DPYD: variants seen among roughly 807,000 people sequenced by gnomAD.
DPYD encodes the protein dihydropyrimidine dehydrogenase.
In DPYD, 109 loss-of-function variants were observed where a neutral mutation model predicts 116.2. That is an observed-to-expected ratio of 0.94 (90% CI 0.80 to 1.10). The LOEUF (loss-of-function observed/expected upper bound fraction) is 1.10, where lower values mean the gene tolerates loss of function less well. DPYD is among the 50% of genes least tolerant of loss of function. The pLI is 0.00. For missense variants in DPYD, 1,302 were observed against 1,254.5 expected (o/e 1.04, Z -0.57); for synonymous variants, 440 against 432.0 (o/e 1.02, Z -0.23).
intron 20 of DPYD, among the ~76,000 whole-genome samples, chr1:97,100,303 T>G (rs542102309): frequency 6.6e-6 from 1 of 152,172 alleles, no homozygotes. Flanking sequence ...GGGATTACAC[T>G]TGGTGCCAAA....
chr1:97,527,602 T>A (rs1010226089), intron 12 of DPYD, among the ~76,000 whole-genome samples: 3 of 152,112 alleles, frequency 2.0e-5, no homozygotes, highest in Non-Finnish European at 4.4e-5. Context: ...CAAACTATAA[T>A]AACCCATTAT....
chr1:97,667,984 C>A (rs914066757), intron 8 of DPYD, among the ~76,000 whole-genome samples: 1 of 152,008 alleles, frequency 6.6e-6, no homozygotes, highest in Non-Finnish European at 1.5e-5. Context: ...TATGATTCCA[C>A]CCATACTAGG....
chr1:97,795,251 T>C (rs972043646), intron 3 of DPYD, among the ~76,000 whole-genome samples: 2 of 152,006 alleles, frequency 1.3e-5, no homozygotes, highest in African/African-American at 2.4e-5. Flanking sequence ...CATTTAGCAA[T>C]GGGAGGCAGT....
intron 8 of DPYD, among the ~76,000 whole-genome samples, chr1:97,622,381 C>A (rs985974562): frequency 2.0e-5 from 3 of 151,776 alleles, no homozygotes; most frequent in Admixed American, 2.0e-4. Context: ...ATTTGAGGAA[C>A]ATTCTAAAAA....
At chr1:97,446,009 G>A (rs1369187790) in intron 14 of DPYD, among the ~76,000 whole-genome samples, 16 of 152,112 alleles carry the variant, frequency 1.1e-4, no homozygotes, top group Admixed American at 1.0e-3. Flanking sequence ...TTACAGGCAT[G>A]AGCCACCACA....
At chr1:97,169,287 C>A (rs963294827) in intron 20 of DPYD, among the ~76,000 whole-genome samples, 2 of 152,092 alleles carry the variant, frequency 1.3e-5, no homozygotes, top group African/African-American at 2.4e-5. Context: ...CTAATCATTA[C>A]CATTTTCTTC....
chr1:97,232,461 T>A (rs1199981266), intron 19 of DPYD, among the ~76,000 whole-genome samples: 1 of 152,172 alleles, frequency 6.6e-6, no homozygotes, highest in African/African-American at 2.4e-5. Flanking sequence ...AATTGGAATA[T>A]TTTTAGCCAT....
chr1:97,765,223 G>C (rs1330901754), intron 3 of DPYD, among the ~76,000 whole-genome samples: 2 of 152,178 alleles, frequency 1.3e-5, no homozygotes, highest in African/African-American at 4.8e-5. Flanking sequence ...CATTGTGGGA[G>C]TTGTTTATAG....
chr1:97,741,557 C>T (rs1467558873), intron 3 of DPYD, among the ~76,000 whole-genome samples: 2 of 152,188 alleles, frequency 1.3e-5, no homozygotes, highest in African/African-American at 4.8e-5. Context: ...TTCAGGACAA[C>T]TAAAACCAAT....
At chr1:97,428,849 A>G (rs1201959508) in intron 14 of DPYD, among the ~76,000 whole-genome samples, 1 of 152,032 alleles carries the variant, frequency 6.6e-6, no homozygotes, top group African/African-American at 2.4e-5. Context: ...AGATTTCAAA[A>G]TGTGAATATG....
At position 97,199,635 on chromosome 1, in the gene DPYD, CA is replaced by C. The variant is rs967927178; in HGVS notation, c.2443-6388del. Among the ~76,000 whole-genome samples, 364 of 136,010 alleles carry C rather than the reference CA, an allele frequency of 2.7e-3. 3 individuals carry two copies. The highest frequency in any genetic ancestry group is 7.5e-3 in the African/African-American group (281 of 37,434). 89.2% of individuals were successfully genotyped at this position (136,010 alleles called of 152,430 possible). A position where few individuals can be genotyped will look rare whatever the true frequency, so the allele number is the denominator to read the frequency against. On this transcript the variant is annotated intron_variant, in intron 19 of 22. Transcript: ENST00000370192. ...TTTATTTGCATTAAATAATGATCTCCAAAAAAAAAAAGCTTTGGTTTTGTTG... is the reference window on the plus strand; with the variant it reads ...TTTATTTGCATTAAATAATGATCTCCAAAAAAAAAAGCTTTGGTTTTGTTG...
At chr1:97,380,441 A>C (rs745968596) in intron 15 of DPYD, among the ~76,000 whole-genome samples, 13 of 152,212 alleles carry the variant, frequency 8.5e-5, no homozygotes, top group Non-Finnish European at 1.0e-4. Flanking sequence ...AATTCAAACC[A>C]GGTTGAAGAA....
At chr1:97,731,395 T>G (rs1268458251) in intron 4 of DPYD, among the ~76,000 whole-genome samples, 1 of 152,118 alleles carries the variant, frequency 6.6e-6, no homozygotes, top group Non-Finnish European at 1.5e-5. Context: ...TTAAAAATTT[T>G]AATTTTTCAA....
chr1:97,801,438 G>A (rs1214787094), intron 3 of DPYD, among the ~76,000 whole-genome samples: 1 of 151,828 alleles, frequency 6.6e-6, no homozygotes, highest in Non-Finnish European at 1.5e-5. Flanking sequence ...CACTAATTAT[G>A]GCCCTGCCAC....
At chr1:97,250,156 G>C (rs977880966) in intron 18 of DPYD, among the ~76,000 whole-genome samples, 3 of 152,082 alleles carry the variant, frequency 2.0e-5, no homozygotes, top group Non-Finnish European at 4.4e-5. Context: ...TGTAATCCCA[G>C]CTACTCAGGA....
intron 18 of DPYD, among the ~76,000 whole-genome samples, chr1:97,298,660 C>T (rs1666682133): frequency 6.6e-6 from 1 of 152,090 alleles, no homozygotes; most frequent in South Asian, 2.1e-4. Context: ...AATATGCTGG[C>T]TGTATAGTCA....
chr1:97,763,511 T>G (rs1571318739), intron 3 of DPYD, among the ~76,000 whole-genome samples: 2 of 152,054 alleles, frequency 1.3e-5, no homozygotes, highest in Admixed American at 1.3e-4. Context: ...AAGGCTGACC[T>G]ATCCCTTCTC....
chr1:97,650,039 A>G (rs1571127988), intron 8 of DPYD, among the ~76,000 whole-genome samples: 2 of 152,018 alleles, frequency 1.3e-5, no homozygotes, highest in South Asian at 4.2e-4. Context: ...CTAGCTATCT[A>G]CCATCTCCTG....
rs1308333002 is a variant in DPYD at position 97,406,584 on chromosome 1, G to A, written c.1906-24123C>T. The stretch of plus-strand genomic sequence containing the variant: ...CACCCCCCGACAGGCCCCAGTGTGT[G>A]ATGTTCCCCTCCCTGTGTCCATGAG... On this transcript the variant is annotated intron_variant, in intron 14 of 22. Transcript: ENST00000370192. 3.0e-4 allele frequency among the ~76,000 whole-genome samples: 42 copies of A among 141,836 alleles called. 1 individual carries two copies. In the Admixed American group the frequency reaches 3.1e-3, roughly 10 times the overall value. 93.0% of individuals were successfully genotyped at this position (141,836 alleles called of 152,430 possible).
Sources: gnomAD v4.1 joint callset for allele counts (sites outside exome capture counted in the v4.1 genomes callset) on GRCh38, gnomAD v4.1.1 for gene constraint, MANE v1.5 for transcripts, NCBI Gene and HGNC (gene_info 2026-07-23, HGNC 2026-07-21) for gene names.